Variants in DUOXA1 observed in about 807,000 individuals in gnomAD.
DUOXA1 encodes the protein dual oxidase maturation factor 1.
A neutral mutation model predicts 26.6 loss-of-function variants in DUOXA1; 19 were observed. The ratio of observed to expected loss-of-function variants is 0.71; its 90% CI spans 0.50 to 1.05. The LOEUF is 1.05. DUOXA1 is among the 50% of genes least tolerant of loss of function. The probability of loss-of-function intolerance (pLI) is 0.00; values close to 1 mark genes in which losing one functional copy is unlikely to be tolerated. For missense variants in DUOXA1, 403 were observed against 427.5 expected (o/e 0.94, Z 0.51); for synonymous variants, 166 against 177.0 (o/e 0.94, Z 0.49).
intron 4 of DUOXA1, among the ~76,000 whole-genome samples, chr15:45,122,514 C>T (rs576798803): frequency 6.6e-6 from 1 of 152,046 alleles, no homozygotes; most frequent in South Asian, 2.1e-4. Flanking sequence ...CCACCTCAGC[C>T]TCCCAAGTAG....
Position 45,118,095 on chromosome 15 carries a change from G to A in DUOXA1, c.*1011C>T. ...CTGTAAATAAACCTTTTTTTCTTTT[G>A]TTTTTTAAAAACTGTTTTTCCCATT... On this transcript the variant is annotated 3_prime_UTR_variant, in exon 9 of 9. Coordinates refer to ENST00000560572, the MANE Select transcript of DUOXA1 (RefSeq NM_001276266.2). The A allele has an allele frequency of 6.6e-7, 1 of 1,510,220 alleles. No individual in the cohort carries two copies. The highest frequency in any genetic ancestry group is 2.3e-5 in the Admixed American group (1 of 43,008). The allele number at this position is 1,510,220 out of a possible 1,614,324, so 93.6% of individuals were successfully genotyped here.
intron 4 of DUOXA1, 45 bp downstream of exon 4, chr15:45,122,823 G>A (rs1895358484): frequency 6.4e-7 from 1 of 1,567,622 alleles, no homozygotes; most frequent in East Asian, 2.3e-5. Flanking sequence ...TCAGCCTGAG[G>A]CTGAGGTCTC....
At chr15:45,126,795 T>C (rs1363011047) in intron 3 of DUOXA1, among the ~76,000 whole-genome samples, 2 of 152,250 alleles carry the variant, frequency 1.3e-5, no homozygotes, top group African/African-American at 4.8e-5. Context: ...AATTCAATAT[T>C]AACTGAGTGT....
chr15:45,124,043 GA>G (rs11285648), intron 3 of DUOXA1, among the ~76,000 whole-genome samples: 28,360 of 146,106 alleles, frequency 0.19, 4,658 homozygotes, highest in African/African-American at 0.44. Flanking sequence ...GTCAGAATGT[GA>G]AAAAAAAAAA....
chr15:45,119,387 G>T, intron 8 of DUOXA1, 22 bp from the exon 9 acceptor site: 5 of 1,591,124 alleles, frequency 3.1e-6, no homozygotes, highest in Non-Finnish European at 4.3e-6. Flanking sequence ...GGCAACAATT[G>T]TCCCACCTTA....
intron 4 of DUOXA1, 83 bp downstream of exon 4, chr15:45,122,785 C>T: frequency 1.3e-6 from 2 of 1,483,410 alleles, no homozygotes; most frequent in Non-Finnish European, 1.8e-6. Flanking sequence ...CTTCCTTAGC[C>T]TGGTTGTAGT....
At chr15:45,119,525 G>C (rs1006266983) in intron 8 of DUOXA1, among the ~76,000 whole-genome samples, 160 bp from the exon 9 acceptor site, 9 of 152,144 alleles carry the variant, frequency 5.9e-5, no homozygotes, top group Admixed American at 3.3e-4. Context: ...CATGTGGCTG[G>C]TGTGGCTCTG....
intron 3 of DUOXA1, among the ~76,000 whole-genome samples, chr15:45,127,940 T>C (rs899370128): frequency 6.6e-6 from 1 of 152,168 alleles, no homozygotes; most frequent in African/African-American, 2.4e-5. Context: ...CAGACTGTCA[T>C]TCTCAGTAAT....
At position 45,120,521 on chromosome 15, in the gene DUOXA1, G is replaced by T; in HGVS notation, c.554+71C>A. 2.6e-6 allele frequency: 4 copies of T among 1,550,752 alleles called. No individual in the cohort carries two copies. In the South Asian group the frequency reaches 3.3e-5, roughly 13 times the overall value. ...CTGAGATACCCACATGAGTGGAGGA[G>T]AGATGGGTAGAAACCCTGTTCCTGA... is the stretch of plus-strand genomic sequence containing the variant. On this transcript the variant is annotated intron_variant, in intron 7 of 8. Transcript: ENST00000560572.
rs1479337640 is a variant in DUOXA1, at chr15:45,121,127, C to T, written c.300G>A (p.Gly100=). ...TGACTCCACCCAGCCCGACCTGCAG[C>T]CCAATATCAGCGCTGATCCACTCAG... ...FSSEWISADI[G]LQVGLGGVNI... The change falls in exon 6 of 9, where the codon GGG becomes GGA. Residue 100 remains glycine (G), a synonymous_variant. Transcript: ENST00000560572. 6.8e-6 allele frequency: 11 copies of T among 1,614,060 alleles called. No individual in the cohort carries two copies. The highest frequency in any genetic ancestry group is 9.3e-6 in the Non-Finnish European group (11 of 1,180,024).
intron 3 of DUOXA1, among the ~76,000 whole-genome samples, chr15:45,125,271 G>A (rs1210809381): frequency 6.6e-6 from 1 of 152,090 alleles, no homozygotes; most frequent in East Asian, 1.9e-4. Flanking sequence ...AGCCATTCAT[G>A]CCTGCCTTCT....
intron 3 of DUOXA1, among the ~76,000 whole-genome samples, chr15:45,125,098 C>G (rs993016855): frequency 1.3e-4 from 20 of 152,180 alleles, no homozygotes; most frequent in African/African-American, 4.8e-4. Flanking sequence ...GAAAGACAGA[C>G]AGTTTTAACT....
In DUOXA1 at chr15:45,120,880, T is replaced by G. The variant is rs1016008721; in HGVS notation, c.341-75A>C. The stretch of plus-strand genomic sequence containing the variant: ...GGCCTAGGTAGGGACTCACCCACAC[T>G]GGGCAGAGGGACAGGAAGTGGTCTC... On this transcript the variant is annotated intron_variant, in intron 6 of 8. Transcript: ENST00000560572. 3.9e-6 allele frequency: 6 copies of G among 1,543,626 alleles called. No homozygotes were observed. In the African/African-American group the frequency reaches 8.2e-5, roughly 21 times the overall value.
chr15:45,123,044 C>A lies in DUOXA1; in HGVS notation c.-29-1G>T. ...GTGAGGTGGTGCAGGGGGGGCAATGCTGTACAACAACAATAGACATTTATT... is the reference window on the plus strand; with the variant it reads ...GTGAGGTGGTGCAGGGGGGGCAATGATGTACAACAACAATAGACATTTATT... On this transcript the variant is annotated splice_acceptor_variant, in intron 3 of 8. Coordinates refer to ENST00000560572, the MANE Select transcript of DUOXA1 (RefSeq NM_001276266.2). LOFTEE classifies it low-confidence loss of function (5UTR_SPLICE). 1 of 1,588,820 alleles carries A rather than the reference C, an allele frequency of 6.3e-7. No individual in the cohort carries two copies. The highest frequency in any genetic ancestry group is 8.6e-7 in the Non-Finnish European group (1 of 1,166,960).
chr15:45,119,601 A>AGT (rs1894954126), intron 8 of DUOXA1, among the ~76,000 whole-genome samples: 1 of 151,812 alleles, frequency 6.6e-6, no homozygotes, highest in Middle Eastern at 3.2e-3. Flanking sequence ...AGAGAGAGAG[A>AGT]GAAAGGGGGA....
At chr15:45,121,703 A>G (rs1026319758) in intron 5 of DUOXA1, among the ~76,000 whole-genome samples, 1 of 152,056 alleles carries the variant, frequency 6.6e-6, no homozygotes, top group Non-Finnish European at 1.5e-5. Context: ...TTTAGTAGAG[A>G]TGGGGTTTCC....
At chr15:45,121,275 G>T in intron 5 of DUOXA1, 54 bp from the exon 6 acceptor site, 1 of 1,612,276 alleles carries the variant, frequency 6.2e-7, no homozygotes, top group Admixed American at 1.7e-5. Context: ...GGCATTACTA[G>T]GTTAGAGTCA....
intron 7 of DUOXA1, 112 bp from the exon 8 acceptor site, chr15:45,120,432 T>G: frequency 6.8e-7 from 1 of 1,469,504 alleles, no homozygotes; most frequent in African/African-American, 1.4e-5. Flanking sequence ...AGATATGAGG[T>G]AGGGATTCCT....
intron 3 of DUOXA1, among the ~76,000 whole-genome samples, chr15:45,125,212 T>C (rs901329829): frequency 1.3e-5 from 2 of 152,230 alleles, no homozygotes; most frequent in African/African-American, 4.8e-5. Flanking sequence ...CCCTGAGGAA[T>C]AGGCGTCTCT....
Sources: allele counts gnomAD v4.1 joint callset (sites outside exome capture counted in the v4.1 genomes callset), GRCh38; gene constraint gnomAD v4.1.1; transcripts MANE v1.5; gene names NCBI Gene and HGNC (gene_info 2026-07-23, HGNC 2026-07-21).